The following TRPM8 variants were observed in gnomAD, a reference collection of about 807,000 sequenced individuals.
TRPM8 encodes the protein TRPM8 cationic channel.
A neutral mutation model predicts 133.7 loss-of-function variants in TRPM8; 110 were observed. That is an observed-to-expected ratio of 0.82 (90% confidence interval 0.70 to 0.96). TRPM8 has a LOEUF of 0.96. Ranked by LOEUF, TRPM8 falls within the 40% of genes least tolerant of loss-of-function variation. The pLI, the probability that TRPM8 is intolerant of heterozygous loss-of-function variation, is 0.00. For missense variants in TRPM8, 1,291 were observed against 1,379.5 expected, an observed-to-expected ratio of 0.94 and a Z score of 1.02; for synonymous variants, 535 against 532.3, an observed-to-expected ratio of 1.01 and a Z score of -0.07.
Position 233,955,343 on chromosome 2 carries a change from C to G in TRPM8, c.1362+93C>G. ...CCATTTCCAACAAGGTCTTCAATAC[C>G]AAATCTCTTAAAGGATTGTTCTGTT... On this transcript the variant is annotated intron_variant, in intron 11 of 25. Transcript: ENST00000324695. 6 of 861,014 alleles carry G rather than the reference C, an allele frequency of 7.0e-6. 1 individual carries two copies. In the South Asian group the frequency reaches 9.5e-5, roughly 14 times the overall value. 53.3% of individuals were successfully genotyped at this position (861,014 alleles called of 1,614,324 possible).
At chr2:233,950,980 C>T (rs1383749724) in intron 9 of TRPM8, among the ~76,000 whole-genome samples, 4 of 152,218 alleles carry the variant, frequency 2.6e-5, no homozygotes, top group East Asian at 3.9e-4. Context: ...GCAAGAAGAT[C>T]GCTTGAGGCC....
intron 11 of TRPM8, among the ~76,000 whole-genome samples, chr2:233,956,048 C>T (rs988192940): frequency 6.6e-6 from 1 of 152,208 alleles, no homozygotes; most frequent in Non-Finnish European, 1.5e-5. Context: ...GGAAAACAAG[C>T]TTGGGGTTCC....
rs767060547 is a variant in TRPM8 at position 233,981,796 on chromosome 2, T to C, written c.2470T>C (p.Ser824Pro). 3 of 1,612,514 alleles carry C rather than the reference T, an allele frequency of 1.9e-6. No homozygotes were observed. Among genetic ancestry groups the C allele is most frequent in the South Asian group, 1.1e-5 (1 of 90,480 alleles). ...TAGGCTCCACTCTTCTAATAAAAGC[T>C]CTTTGTATTCTGGACGAGTCATTTT... ...VFRLHSSNKS[S>P]LYSGRVIFCL... Residue 824 changes from serine (S) to proline (P), a missense_variant, in exon 19 of 26, where the codon TCT (serine) becomes CCT (proline). Ser to Pro is a moderately conservative substitution (Grantham distance 74). Around this residue, in one of 2 missense-constraint regions of TRPM8, gnomAD observed 328 missense variants for 410.6 expected, o/e 0.80. Transcript: ENST00000324695.
At chr2:233,985,060 G>A (rs183864548) in intron 20 of TRPM8, among the ~76,000 whole-genome samples, 9 of 150,118 alleles carry the variant, frequency 6.0e-5, no homozygotes, top group East Asian at 2.0e-4. Flanking sequence ...CTCCAGCCTC[G>A]GCATCAGAGT....
In TRPM8 at chr2:233,927,831, CCTTCCTTCCTTCCTTCCTTCCTTT is replaced by C. The variant is rs1346201608; in HGVS notation, c.117+1181_117+1204del. 3.9e-4 allele frequency among the ~76,000 whole-genome samples: 31 copies of C among 79,044 alleles called. 1 individual carries two copies. Among genetic ancestry groups the C allele is most frequent in the Non-Finnish European group, 6.2e-4 (27 of 43,890 alleles). The allele number at this position is 79,044 out of a possible 152,430, so 51.9% of individuals were successfully genotyped here. A position where few individuals can be genotyped will look rare whatever the true frequency, so the allele number is the denominator to read the frequency against. On this transcript the variant is annotated intron_variant, in intron 2 of 25. Transcript: ENST00000324695. ...TCCTTCCTTCCTTCCTTCCTTCCTT[CCTTCCTTCCTTCCTTCCTTCCTTT>C]CTTTCTCTTTCTTTCTTTCTTTCTT... is the stretch of plus-strand genomic sequence containing the variant.
chr2:233,919,195 C>G (rs1187575243), intron 1 of TRPM8, among the ~76,000 whole-genome samples: 3 of 151,904 alleles, frequency 2.0e-5, no homozygotes, highest in Admixed American at 6.6e-5. Flanking sequence ...TAAGAGCACA[C>G]TAATATTTTT....
At position 233,966,604 on chromosome 2, in the gene TRPM8, C is replaced by T. The variant is rs1482586610; in HGVS notation, c.1880-6C>T. The T allele has an allele frequency of 6.2e-7, 1 of 1,614,054 alleles. No individual in the cohort carries two copies. Among genetic ancestry groups the T allele is most frequent in the South Asian group, 1.1e-5 (1 of 91,080 alleles). On this transcript the variant is annotated splice_polypyrimidine_tract_variant and splice_region_variant and intron_variant, in intron 14 of 25. Transcript: ENST00000324695. ...CCAGCTTCTCTCTGTGCTGATGTCG[C>T]TGTAGAGCTGTTCACTGAGTGTTAC...
At chr2:233,965,061 G>T (rs945818024) in intron 14 of TRPM8, among the ~76,000 whole-genome samples, 3 of 147,756 alleles carry the variant, frequency 2.0e-5, no homozygotes, top group African/African-American at 4.9e-5. Flanking sequence ...TGTGGGGGGG[G>T]GGGGTGTTTC....
intron 8 of TRPM8, among the ~76,000 whole-genome samples, chr2:233,949,416 G>T (rs758815678): frequency 2.0e-5 from 3 of 152,198 alleles, no homozygotes; most frequent in Non-Finnish European, 4.4e-5. Context: ...TATCCAGGAA[G>T]AAAATATATT....
chr2:233,982,035 G>A (rs963924267), intron 19 of TRPM8, 120 bp downstream of exon 19: 14 of 1,147,742 alleles, frequency 1.2e-5, no homozygotes, highest in East Asian at 5.2e-5. Context: ...AGTAACATTC[G>A]CTTTCTTTGA....
intron 11 of TRPM8, among the ~76,000 whole-genome samples, chr2:233,958,266 A>G (rs1444498893): frequency 6.6e-6 from 1 of 152,116 alleles, no homozygotes; most frequent in East Asian, 1.9e-4. Flanking sequence ...GCAACCATCT[A>G]TTTCTTAGAA....
chr2:233,984,361 C>T (rs1692089534), intron 20 of TRPM8, among the ~76,000 whole-genome samples: 1 of 152,188 alleles, frequency 6.6e-6, no homozygotes, highest in Non-Finnish European at 1.5e-5. Context: ...TTCTCAGACG[C>T]ACCTTGGCAC....
chr2:233,999,015 T>C (rs2125362474), intron 22 of TRPM8, among the ~76,000 whole-genome samples: 1 of 152,224 alleles, frequency 6.6e-6, no homozygotes, highest in East Asian at 1.9e-4. Context: ...GTTTCCTTCT[T>C]GTGAAAAAAA....
At chr2:233,947,532 A>G in intron 8 of TRPM8, 1 of 1,298,998 alleles carries the variant, frequency 7.7e-7, no homozygotes, top group Non-Finnish European at 1.0e-6. Context: ...CCCCCAAACC[A>G]GATGTTTCCA....
At chr2:233,973,777 CTGTT>C (rs1691794816) in intron 17 of TRPM8, among the ~76,000 whole-genome samples, 3 of 152,174 alleles carry the variant, frequency 2.0e-5, no homozygotes, top group Admixed American at 2.0e-4. Flanking sequence ...TGGGAATAGT[CTGTT>C]TGAGGGAAGC....
chr2:233,944,195 C>G (rs1044257859), intron 6 of TRPM8, among the ~76,000 whole-genome samples: 1 of 151,964 alleles, frequency 6.6e-6, no homozygotes, highest in Non-Finnish European at 1.5e-5. Flanking sequence ...TACTAGATGC[C>G]CAACAGGAGA....
chr2:233,927,285 T>G (rs1691537926), intron 2 of TRPM8, among the ~76,000 whole-genome samples: 1 of 152,194 alleles, frequency 6.6e-6, no homozygotes, highest in South Asian at 2.1e-4. Context: ...TGCTTAGGAT[T>G]TTGATCTCAC....
intron 5 of TRPM8, among the ~76,000 whole-genome samples, chr2:233,940,207 A>C (rs907399664): frequency 6.6e-6 from 1 of 151,962 alleles, no homozygotes; most frequent in Non-Finnish European, 1.5e-5. Flanking sequence ...TCTAACCTTA[A>C]CATTTAAAAA....
chr2:233,927,840 C>CT (rs1691576591), intron 2 of TRPM8, among the ~76,000 whole-genome samples: 4 of 78,400 alleles, frequency 5.1e-5, no homozygotes, highest in East Asian at 4.0e-4. Flanking sequence ...TCCTTCCTTC[C>CT]TTCCTTCCTT....
Sources: allele counts gnomAD v4.1 joint callset (sites outside exome capture counted in the v4.1 genomes callset), GRCh38; gene constraint gnomAD v4.1.1; regional missense constraint gnomAD v4.1.1; transcripts MANE v1.5; gene names NCBI Gene and HGNC (gene_info 2026-07-23, HGNC 2026-07-21).